The following ZNF460 variants were observed in gnomAD, a reference collection of about 807,000 sequenced individuals.
The protein encoded by ZNF460 is zinc finger protein 460, also known as zinc finger protein 272.
ZNF460 carries 1 observed loss-of-function variant against 8.4 expected under a neutral mutation model. That is an observed-to-expected ratio of 0.12 (90% confidence interval 0.04 to 0.56). The LOEUF is 0.56. Among genes scored for constraint, ZNF460 ranks in the 20% least tolerant of loss-of-function variants. The pLI, the probability that ZNF460 is intolerant of heterozygous loss-of-function variation, is 0.91. For synonymous variants in ZNF460, 262 were observed against 259.9 expected, an observed-to-expected ratio of 1.01 and a Z score of -0.08; for missense variants, 477 against 714.8, an observed-to-expected ratio of 0.67 and a Z score of 3.79.
intron 2 of ZNF460, 136 bp downstream of exon 2, chr19:57,284,813 ATTTTTTT>A (rs755694218): frequency 6.3e-6 from 4 of 633,912 alleles, no homozygotes; most frequent in African/African-American, 4.8e-5. Context: ...GCTTTACTCT[ATTTTTTT>A]TTTTTTTTTT....
Position 57,290,801 on chromosome 19 carries a change from ACTC to A in ZNF460, c.263_265del (p.Ser88del). ...CAGCTGGCACAGGGAGTCCCAAGAT[ACTC>A]CTATTTGGGGCAGGCCATGGATCAA... On this transcript the variant is annotated inframe_deletion, in exon 3 of 3. Transcript: ENST00000360338. 6.2e-7 allele frequency: 1 copy of A among 1,614,046 alleles called. No homozygotes were observed.
intron 1 of ZNF460, among the ~76,000 whole-genome samples, chr19:57,283,252 C>T (rs984341003): frequency 1.3e-5 from 2 of 151,708 alleles, no homozygotes; most frequent in African/African-American, 4.8e-5. Context: ...TCACTGCAAC[C>T]ATCGCCTCCG....
At position 57,280,495 on chromosome 19, in the gene ZNF460, G is replaced by A. The variant is rs1232456405; in HGVS notation, c.-312G>A. 6.8e-6 allele frequency: 3 copies of A among 438,078 alleles called. No homozygotes were observed. Among genetic ancestry groups the A allele is most frequent in the Non-Finnish European group, 1.3e-5 (3 of 239,646 alleles). 27.1% of individuals were successfully genotyped at this position (438,078 alleles called of 1,614,324 possible). On this transcript the variant is annotated 5_prime_UTR_variant, in exon 1 of 3. Coordinates refer to ENST00000360338, the MANE Select transcript of ZNF460 (RefSeq NM_006635.4). ...GGCCGGTTTGGCCCTGAAACAGTGT[G>A]GGGCCTAGAGCGCTGGGTGGGCGCG...
rs1388751427 is a variant in ZNF460 at position 57,292,674 on chromosome 19, C to T, written c.*444C>T. The T allele has an allele frequency of 6.2e-6, 1 of 160,464 alleles. No homozygotes were observed. Among genetic ancestry groups the T allele is most frequent in the Non-Finnish European group, 1.4e-5 (1 of 72,514 alleles). 9.9% of individuals were successfully genotyped at this position (160,464 alleles called of 1,614,324 possible). On this transcript the variant is annotated 3_prime_UTR_variant, in exon 3 of 3. Transcript: ENST00000360338. The stretch of plus-strand genomic sequence containing the variant: ...TGACAAGCCCATGGCAATTTGTCAT[C>T]CCCTCCTTATTTTATTTGGGAGAGG...
At chr19:57,284,517 A>G in intron 1 of ZNF460, 34 bp from the exon 2 acceptor site, 1 of 1,603,960 alleles carries the variant, frequency 6.2e-7, no homozygotes, top group South Asian at 1.1e-5. Flanking sequence ...CACAGTTGCA[A>G]AGGAAACATT....
In ZNF460 at chr19:57,292,742, C is replaced by G. The variant is rs2087928050; in HGVS notation, c.*512C>G. 6.3e-6 allele frequency: 1 copy of G among 159,116 alleles called. No individual in the cohort carries two copies. Among genetic ancestry groups the G allele is most frequent in the Admixed American group, 5.9e-5 (1 of 17,086 alleles). The allele number at this position is 159,116 out of a possible 1,614,324, so 9.9% of individuals were successfully genotyped here. On this transcript the variant is annotated 3_prime_UTR_variant, in exon 3 of 3. Coordinates refer to ENST00000360338, the MANE Select transcript of ZNF460 (RefSeq NM_006635.4). ...AAAGGGCCTCATCCCCTTTATTTTC[C>G]CTGTGTATACATTCACTGCTGTCCA...
chr19:57,292,446 A>G lies in ZNF460; in HGVS notation c.*216A>G, dbSNP rs2087925695. On this transcript the variant is annotated 3_prime_UTR_variant, in exon 3 of 3. Coordinates refer to ENST00000360338, the MANE Select transcript of ZNF460 (RefSeq NM_006635.4). ...TGTCATCTAAACAATTATGTTAGAAATTGACACAGCCAAGAGTCTTATTCT... is the reference window on the plus strand; with the variant it reads ...TGTCATCTAAACAATTATGTTAGAAGTTGACACAGCCAAGAGTCTTATTCT... 1.8e-6 allele frequency: 1 copy of G among 551,970 alleles called. No homozygotes were observed. The highest frequency in any genetic ancestry group is 2.4e-5 in the South Asian group (1 of 42,482). The allele number at this position is 551,970 out of a possible 1,614,324, so 34.2% of individuals were successfully genotyped here.
Position 57,292,197 on chromosome 19 carries a change from C to G in ZNF460, c.1656C>G (p.Asn552Lys). 6.2e-7 allele frequency: 1 copy of G among 1,613,654 alleles called. No individual in the cohort carries two copies. The highest frequency in any genetic ancestry group is 2.2e-5 in the East Asian group (1 of 44,848). Residue 552 changes from asparagine (N) to lysine (K), a missense_variant, in exon 3 of 3, where the codon AAC (asparagine) becomes AAG (lysine). Physicochemically the swap from Asn to Lys is moderately conservative, Grantham distance 94. Transcript: ENST00000360338. The stretch of plus-strand genomic sequence containing the variant: ...CTCATTCCTCCTCACTCGACATCAA[C>G]GGATTCATAGTGGAAGAAACCCTAC... ...IAAHSSSLDINGFIVEETLPL is the reference protein window; with the variant it reads ...IAAHSSSLDIKGFIVEETLPL
Position 57,290,786 on chromosome 19 carries a change from A to G in ZNF460, c.245A>G (p.Gln82Arg). ...EEVSLQEQLA[Q>R]GVPRYSYLGQ... ...GTCTCACTCCAGGAACAGCTGGCACAGGGAGTCCCAAGATACTCCTATTTG... is the reference window on the plus strand; with the variant it reads ...GTCTCACTCCAGGAACAGCTGGCACGGGGAGTCCCAAGATACTCCTATTTG... Residue 82 changes from glutamine (Q) to arginine (R), a missense_variant, in exon 3 of 3, where the codon CAG becomes CGG. Gln to Arg is a conservative substitution (Grantham distance 43, BLOSUM62 1). This residue lies in a region of ZNF460 where 169 missense variants were observed against 178.6 expected (regional missense o/e 0.95). Transcript: ENST00000360338. The G allele has an allele frequency of 6.2e-7, 1 of 1,614,210 alleles. No homozygotes were observed. Among genetic ancestry groups the G allele is most frequent in the Non-Finnish European group, 8.5e-7 (1 of 1,180,036 alleles).
At chr19:57,285,400 T>C (rs574650569) in intron 2 of ZNF460, among the ~76,000 whole-genome samples, 1 of 152,310 alleles carries the variant, frequency 6.6e-6, no homozygotes, top group South Asian at 2.1e-4. Flanking sequence ...AGTGACCGTC[T>C]AGTCTTGTTC....
At chr19:57,284,332 TCTC>T (rs2087864022) in intron 1 of ZNF460, among the ~76,000 whole-genome samples, 1 of 152,036 alleles carries the variant, frequency 6.6e-6, no homozygotes, top group Non-Finnish European at 1.5e-5. Flanking sequence ...TTCAAGCAGT[TCTC>T]CTGCCTCAGC....
chr19:57,285,234 A>C (rs530363331), intron 2 of ZNF460, among the ~76,000 whole-genome samples: 2 of 152,160 alleles, frequency 1.3e-5, no homozygotes, highest in East Asian at 3.8e-4. Context: ...GTTACCAGGA[A>C]ATGGGATGTT....
At chr19:57,284,854 T>C (rs1022352076) in intron 2 of ZNF460, among the ~76,000 whole-genome samples, 177 bp downstream of exon 2, 3 of 150,590 alleles carry the variant, frequency 2.0e-5, no homozygotes, top group Admixed American at 2.0e-4. Context: ...TTCGCTCTTG[T>C]TGCCCAGGCT....
chr19:57,280,054 C>T (rs886235099), upstream of ZNF460: 2 of 152,296 alleles, frequency 1.3e-5, no homozygotes, highest in African/African-American at 4.8e-5. Context: ...CTCATTTATC[C>T]TTTTCTTCTA....
intron 2 of ZNF460, among the ~76,000 whole-genome samples, chr19:57,289,933 G>A (rs888306700): frequency 6.6e-6 from 1 of 151,872 alleles, no homozygotes; most frequent in African/African-American, 2.4e-5. Flanking sequence ...CTGAGTTCAG[G>A]GGTTCTAGAC....
chr19:57,286,931 T>C (rs2087883520), intron 2 of ZNF460, among the ~76,000 whole-genome samples: 1 of 143,940 alleles, frequency 6.9e-6, no homozygotes, highest in Admixed American at 7.2e-5. Flanking sequence ...GCCACTGCAC[T>C]CCAGTCTGGG....
At chr19:57,289,376 GC>G (rs1442886841) in intron 2 of ZNF460, among the ~76,000 whole-genome samples, 1 of 152,126 alleles carries the variant, frequency 6.6e-6, no homozygotes, top group Non-Finnish European at 1.5e-5. Context: ...TTATGGGGCT[GC>G]CTCCTCTCAC....
intron 2 of ZNF460, among the ~76,000 whole-genome samples, chr19:57,286,681 G>A (rs547638514): frequency 1.7e-4 from 26 of 152,204 alleles, no homozygotes; most frequent in South Asian, 1.7e-3. Flanking sequence ...AGAAGTCCAG[G>A]CCAGGAGTGG....
At chr19:57,285,307 G>A (rs1399090436) in intron 2 of ZNF460, among the ~76,000 whole-genome samples, 1 of 152,186 alleles carries the variant, frequency 6.6e-6, no homozygotes, top group African/African-American at 2.4e-5. Flanking sequence ...CTGGTTGTCT[G>A]GTGCTGGCTT....
Sources: gnomAD v4.1 joint callset for allele counts (sites outside exome capture counted in the v4.1 genomes callset) on GRCh38, gnomAD v4.1.1 for gene constraint, gnomAD v4.1.1 regional missense constraint, MANE v1.5 for transcripts, NCBI Gene and HGNC (gene_info 2026-07-23, HGNC 2026-07-21) for gene names.